CHL1: variants seen among roughly 807,000 people sequenced by gnomAD.
CHL1 encodes the protein cell adhesion molecule L1 like, also known as neural cell adhesion molecule L1-like protein.
Under a neutral mutation model 141.9 loss-of-function variants are expected in CHL1, and 96 were observed. The observed-to-expected ratio is 0.68, with a 90% CI of 0.57 to 0.80. CHL1 has a LOEUF of 0.80. CHL1 is among the 30% of genes least tolerant of loss of function. CHL1 has a pLI of 0.00. For synonymous variants in CHL1, 613 were observed against 502.2 expected (o/e 1.22, Z -2.95); for missense variants, 1,820 against 1,457.2 (o/e 1.25, Z -4.05).
Position 383,862 on chromosome 3 carries a change from C to A in CHL1, c.2223C>A (p.Pro741=). The change falls in exon 19 of 28, where the codon CCC becomes CCA. Residue 741 remains proline (P), a synonymous_variant. Coordinates refer to ENST00000256509, the MANE Select transcript of CHL1 (RefSeq NM_006614.4). Reference sequence around the variant, plus strand: ...ACATAAGGGTTCAAGCCTCTCAACCCAAGGAAATGATTATAAAGTGGGAGG... The same window carrying A: ...ACATAAGGGTTCAAGCCTCTCAACCAAAGGAAATGATTATAAAGTGGGAGG... ...PQNIRVQASQ[P]KEMIIKWEPL... The A allele has an allele frequency of 6.2e-7, 1 of 1,609,340 alleles. No homozygotes were observed. The highest frequency in any genetic ancestry group is 1.1e-5 in the South Asian group (1 of 90,692).
intron 1 of CHL1, among the ~76,000 whole-genome samples, chr3:227,247 C>A (rs1374879911): frequency 6.6e-6 from 1 of 152,038 alleles, no homozygotes; most frequent in Non-Finnish European, 1.5e-5. Flanking sequence ...ATTTTATAGA[C>A]AAGCTATATA....
intron 1 of CHL1, chr3:197,492 T>TG (rs1698436763): frequency 5.4e-6 from 1 of 183,590 alleles, no homozygotes; most frequent in Admixed American, 5.5e-5. Context: ...CTAGCTGGTC[T>TG]GGGGGTCAGT....
intron 18 of CHL1, chr3:382,877 G>A (rs1707231238): frequency 1.8e-6 from 1 of 561,522 alleles, no homozygotes; most frequent in Non-Finnish European, 3.2e-6. Context: ...AGGAAATTAG[G>A]GGAGTGACAT....
intron 1 of CHL1, among the ~76,000 whole-genome samples, chr3:216,638 C>T (rs769590142): frequency 9.2e-5 from 14 of 152,204 alleles, no homozygotes; most frequent in Non-Finnish European, 1.5e-4. Flanking sequence ...GCCAACTACC[C>T]ATGGGTATTG....
chr3:259,080 C>T (rs973316383), intron 2 of CHL1, among the ~76,000 whole-genome samples: 4 of 151,462 alleles, frequency 2.6e-5, no homozygotes, highest in Non-Finnish European at 4.4e-5. Context: ...ATTACAGGCA[C>T]ATGCCACCAT....
chr3:247,451 A>AT (rs1258796294), intron 2 of CHL1: 1 of 151,950 alleles, frequency 6.6e-6, no homozygotes, highest in East Asian at 1.9e-4. Flanking sequence ...TTAAATTTTT[A>AT]TTTTCATCAT....
At chr3:290,309 G>T (rs114965855) in intron 2 of CHL1, among the ~76,000 whole-genome samples, 2,958 of 152,226 alleles carry the variant, frequency 0.019, 52 homozygotes, top group Middle Eastern at 0.037. Context: ...CAAATTTTGT[G>T]ATTCTCTGCA....
chr3:221,429 G>C (rs1172737606), intron 1 of CHL1, among the ~76,000 whole-genome samples: 2 of 152,190 alleles, frequency 1.3e-5, no homozygotes, highest in Admixed American at 1.3e-4. Flanking sequence ...TTCAGCTCCA[G>C]ATTAAAAGGT....
intron 1 of CHL1, among the ~76,000 whole-genome samples, chr3:198,900 T>A (rs1171985951): frequency 6.6e-6 from 1 of 152,266 alleles, no homozygotes; most frequent in African/African-American, 2.4e-5. Flanking sequence ...CAACTGCCGA[T>A]GAAGTTGGCT....
At chr3:270,968 C>T (rs535509582) in intron 2 of CHL1, among the ~76,000 whole-genome samples, 2 of 152,328 alleles carry the variant, frequency 1.3e-5, no homozygotes, top group South Asian at 2.1e-4. Flanking sequence ...TGTTTGATCA[C>T]ACCTTAGAAT....
intron 5 of CHL1, among the ~76,000 whole-genome samples, chr3:337,350 C>T (rs1264389325): frequency 8.3e-6 from 1 of 120,072 alleles, no homozygotes; most frequent in Non-Finnish European, 1.7e-5. Context: ...GCCACCACGC[C>T]CGGCTAATTT....
At chr3:242,170 C>T (rs1559323974) in intron 1 of CHL1, among the ~76,000 whole-genome samples, 2 of 151,858 alleles carry the variant, frequency 1.3e-5, no homozygotes, top group Admixed American at 6.6e-5. Context: ...ACCATAAGTA[C>T]ATGTGTGTGT....
At chr3:308,508 TATAG>T (rs1227329357) in intron 2 of CHL1, among the ~76,000 whole-genome samples, 2 of 151,812 alleles carry the variant, frequency 1.3e-5, no homozygotes, top group East Asian at 1.9e-4. Context: ...CATTGGGAGA[TATAG>T]ATAGACAGCT....
At chr3:231,416 T>A (rs966367754) in intron 1 of CHL1, among the ~76,000 whole-genome samples, 1 of 152,114 alleles carries the variant, frequency 6.6e-6, no homozygotes, top group African/African-American at 2.4e-5. Context: ...CCTAGAGAAC[T>A]GAAGCAGGCT....
chr3:344,131 C>T (rs781410128), intron 8 of CHL1, among the ~76,000 whole-genome samples: 1 of 152,124 alleles, frequency 6.6e-6, no homozygotes, highest in Non-Finnish European at 1.5e-5. Flanking sequence ...TGCCTAGTGT[C>T]TACCACAGCC....
intron 1 of CHL1, among the ~76,000 whole-genome samples, chr3:211,609 T>G (rs1158120712): frequency 3.3e-5 from 5 of 152,216 alleles, no homozygotes; most frequent in African/African-American, 4.8e-5. Context: ...CTATCATTCT[T>G]CTACCTCTGA....
chr3:224,953 T>A (rs1166999636), intron 1 of CHL1, among the ~76,000 whole-genome samples: 1 of 150,768 alleles, frequency 6.6e-6, no homozygotes, highest in Non-Finnish European at 1.5e-5. Context: ...CTGGCCAACA[T>A]GGTGACACCC....
At chr3:370,670 C>T (rs1705516213) in intron 15 of CHL1, among the ~76,000 whole-genome samples, 1 of 151,900 alleles carries the variant, frequency 6.6e-6, no homozygotes, top group Non-Finnish European at 1.5e-5. Context: ...TTTGCTCTTG[C>T]CTCTCTGGTT....
At chr3:360,585 A>G (rs1349117233) in intron 12 of CHL1, among the ~76,000 whole-genome samples, 161 bp downstream of exon 12, 1 of 33,784 alleles carries the variant, frequency 3.0e-5, no homozygotes, top group East Asian at 1.1e-3. Flanking sequence ...CTGAAATTGT[A>G]CTTTCTTTTT....
Sources: allele counts gnomAD v4.1 joint callset (sites outside exome capture counted in the v4.1 genomes callset), GRCh38; gene constraint gnomAD v4.1.1; transcripts MANE v1.5; gene names NCBI Gene and HGNC (gene_info 2026-07-23, HGNC 2026-07-21).